The following HS6ST3 variants were observed in gnomAD, a reference collection of about 807,000 sequenced individuals.
The protein encoded by HS6ST3 is heparan sulfate 6-O-sulfotransferase 3.
HS6ST3 carries 12 observed loss-of-function variants against 36.7 expected under a neutral mutation model. That is an observed-to-expected ratio of 0.33 (90% CI 0.21 to 0.53). The LOEUF (loss-of-function observed/expected upper bound fraction) is 0.53, where lower values mean the gene tolerates loss of function less well. Ranked by LOEUF, HS6ST3 falls within the 20% of genes least tolerant of loss-of-function variation. The pLI, the probability that HS6ST3 is intolerant of heterozygous loss-of-function variation, is 0.95. For missense variants in HS6ST3, 584 were observed against 640.9 expected (o/e 0.91, Z 0.96); for synonymous variants, 240 against 257.5 (o/e 0.93, Z 0.65).
At chr13:96,172,887 G>T (rs2054194900) in intron 1 of HS6ST3, among the ~76,000 whole-genome samples, 1 of 152,098 alleles carries the variant, frequency 6.6e-6, no homozygotes, top group Admixed American at 6.6e-5. Context: ...CCTGCTTTTT[G>T]CCAAAGTGCC....
At chr13:96,385,740 CAGTT>C (rs1289325149) in intron 1 of HS6ST3, among the ~76,000 whole-genome samples, 1 of 152,106 alleles carries the variant, frequency 6.6e-6, no homozygotes, top group African/African-American at 2.4e-5. Context: ...ATTCTAATGA[CAGTT>C]ATAGTAATAA....
chr13:96,463,295 G>A (rs1228882107), intron 1 of HS6ST3, among the ~76,000 whole-genome samples: 1 of 152,090 alleles, frequency 6.6e-6, no homozygotes, highest in Non-Finnish European at 1.5e-5. Context: ...GGAGTAAAAT[G>A]TAGAGCACAC....
chr13:96,190,155 C>T (rs1272594514), intron 1 of HS6ST3, among the ~76,000 whole-genome samples: 1 of 152,208 alleles, frequency 6.6e-6, no homozygotes. Context: ...TATGTATTTG[C>T]AAGTGACTAC....
intron 1 of HS6ST3, among the ~76,000 whole-genome samples, chr13:96,831,657 A>C (rs1032997494): frequency 6.6e-6 from 1 of 152,144 alleles, no homozygotes; most frequent in Non-Finnish European, 1.5e-5. Flanking sequence ...TAGCAGTATA[A>C]AGAGATTAAG....
intron 1 of HS6ST3, among the ~76,000 whole-genome samples, chr13:96,381,766 TTTTG>T (rs923561723): frequency 5.3e-5 from 8 of 152,166 alleles, no homozygotes; most frequent in Admixed American, 3.9e-4. Context: ...TTTTGATCAC[TTTTG>T]TTTGTTTGTT....
chr13:96,277,831 G>A (rs2054755799), intron 1 of HS6ST3, among the ~76,000 whole-genome samples: 1 of 152,124 alleles, frequency 6.6e-6, no homozygotes, highest in Admixed American at 6.6e-5. Context: ...CTACAGTACT[G>A]CTTTCATGAA....
chr13:96,111,231 A>C (rs1241520327), intron 1 of HS6ST3, among the ~76,000 whole-genome samples: 1 of 152,232 alleles, frequency 6.6e-6, no homozygotes, highest in Non-Finnish European at 1.5e-5. Flanking sequence ...ATAATTAAGA[A>C]CAGATGAACA....
intron 1 of HS6ST3, among the ~76,000 whole-genome samples, chr13:96,662,919 T>C (rs1030003860): frequency 6.6e-6 from 1 of 152,070 alleles, no homozygotes; most frequent in Non-Finnish European, 1.5e-5. Flanking sequence ...TAGCCAGCAA[T>C]GGTAGAAGCA....
chr13:96,624,653 G>C (rs2056506099), intron 1 of HS6ST3, among the ~76,000 whole-genome samples: 1 of 151,704 alleles, frequency 6.6e-6, no homozygotes, highest in Non-Finnish European at 1.5e-5. Context: ...TTATATCTAT[G>C]TATACCCAAT....
At chr13:96,719,746 C>T (rs954508843) in intron 1 of HS6ST3, among the ~76,000 whole-genome samples, 2 of 152,152 alleles carry the variant, frequency 1.3e-5, no homozygotes, top group Non-Finnish European at 2.9e-5. Flanking sequence ...TAATTTAGCA[C>T]CTCTACCGTT....
intron 1 of HS6ST3, among the ~76,000 whole-genome samples, chr13:96,360,101 T>A (rs9554348): frequency 0.11 from 16,833 of 151,994 alleles, 1,290 homozygotes; most frequent in East Asian, 0.33. Context: ...CAGCTTGGGG[T>A]GCTCCTAAGC....
chr13:96,437,144 CTAAGTTTTGATCTT>C (rs1359382275), intron 1 of HS6ST3, among the ~76,000 whole-genome samples: 1 of 152,158 alleles, frequency 6.6e-6, no homozygotes, highest in Non-Finnish European at 1.5e-5. Context: ...CTAAACTCCT[CTAAGTTTTGATCTT>C]TGAGTTCTGC....
intron 1 of HS6ST3, among the ~76,000 whole-genome samples, chr13:96,153,384 G>A (rs529602871): frequency 3.0e-4 from 45 of 152,252 alleles, no homozygotes; most frequent in Non-Finnish European, 5.6e-4. Flanking sequence ...CAATGCGGGG[G>A]TATTTCCGGG....
intron 1 of HS6ST3, among the ~76,000 whole-genome samples, chr13:96,676,589 A>G (rs2056699594): frequency 6.6e-6 from 1 of 152,208 alleles, no homozygotes; most frequent in Non-Finnish European, 1.5e-5. Context: ...AAATTGCTTA[A>G]TGATTCACAT....
intron 1 of HS6ST3, among the ~76,000 whole-genome samples, chr13:96,539,522 A>AT (rs1254035118): frequency 2.6e-5 from 4 of 151,836 alleles, no homozygotes; most frequent in Admixed American, 6.6e-5. Flanking sequence ...TACCCAGCTG[A>AT]TTTTTTGTAT....
chr13:96,274,970 C>T (rs977420099), intron 1 of HS6ST3, among the ~76,000 whole-genome samples: 9 of 151,576 alleles, frequency 5.9e-5, no homozygotes, highest in Admixed American at 4.0e-4. Flanking sequence ...TTGCAGGCTT[C>T]AGCGCTGGGT....
At chr13:96,713,011 G>A (rs1317967447) in intron 1 of HS6ST3, among the ~76,000 whole-genome samples, 4 of 152,190 alleles carry the variant, frequency 2.6e-5, no homozygotes, top group Non-Finnish European at 5.9e-5. Context: ...AAATCCATTT[G>A]AGGATATAAA....
At chr13:96,327,429 A>G (rs1240831256) in intron 1 of HS6ST3, among the ~76,000 whole-genome samples, 1 of 152,002 alleles carries the variant, frequency 6.6e-6, no homozygotes, top group African/African-American at 2.4e-5. Context: ...CCATTTATTA[A>G]ATAGGGAATC....
chr13:96,499,278 G>A (rs1048705422), intron 1 of HS6ST3, among the ~76,000 whole-genome samples: 4 of 151,996 alleles, frequency 2.6e-5, no homozygotes, highest in African/African-American at 9.7e-5. Context: ...CGCCCACCTC[G>A]GCCTCCCAAA....
Sources: gnomAD v4.1 joint callset for allele counts (sites outside exome capture counted in the v4.1 genomes callset) on GRCh38, gnomAD v4.1.1 for gene constraint, MANE v1.5 for transcripts, NCBI Gene and HGNC (gene_info 2026-07-23, HGNC 2026-07-21) for gene names.